The following NCK2 variants were observed in gnomAD, a reference collection of about 807,000 sequenced individuals.
NCK2 encodes NCK adaptor protein 2, also known as cytoplasmic protein NCK2.
NCK2 carries 16 observed loss-of-function variants against 33.9 expected under a neutral mutation model. That is an observed-to-expected ratio of 0.47 (90% CI 0.32 to 0.72). The LOEUF (loss-of-function observed/expected upper bound fraction) is 0.72, where lower values mean the gene tolerates loss of function less well. Among genes scored for constraint, NCK2 ranks in the 30% least tolerant of loss-of-function variants. NCK2 has a pLI of 0.03. For synonymous variants in NCK2, 273 were observed against 239.9 expected (o/e 1.14, Z -1.27); for missense variants, 418 against 537.3 (o/e 0.78, Z 2.19).
At chr2:105,807,456 T>G (rs1198160261) in intron 1 of NCK2, among the ~76,000 whole-genome samples, 3 of 152,176 alleles carry the variant, frequency 2.0e-5, no homozygotes, top group Non-Finnish European at 4.4e-5. Flanking sequence ...AGGGAAAAAA[T>G]TATTTAGTAG....
chr2:105,747,128 T>G (rs187507436), intron 1 of NCK2, among the ~76,000 whole-genome samples: 2 of 152,346 alleles, frequency 1.3e-5, no homozygotes, highest in African/African-American at 4.8e-5. Flanking sequence ...TTTCATGCTT[T>G]GTGTTTTGCT....
intron 1 of NCK2, among the ~76,000 whole-genome samples, chr2:105,787,073 C>G (rs1476427528): frequency 6.6e-6 from 1 of 152,248 alleles, no homozygotes; most frequent in African/African-American, 2.4e-5. Flanking sequence ...TGCTGTCTTG[C>G]TCTGCCCGCT....
Position 105,862,946 on chromosome 2 carries a change from GC to G in NCK2, c.226+7659del, listed in dbSNP as rs149531099. On this transcript the variant is annotated intron_variant, in intron 3 of 4. Transcript: ENST00000233154. ...GGGCAGTGCCCTAAGTTTGGCATAAGCCTTTAAGAGGCCAGAAAGAATCATC... is the reference window on the plus strand; with the variant it reads ...GGGCAGTGCCCTAAGTTTGGCATAAGCTTTAAGAGGCCAGAAAGAATCATC... Among the ~76,000 whole-genome samples the G allele has an allele frequency of 4.3e-3, 647 of 151,878 alleles. 3 individuals carry two copies. The highest frequency in any genetic ancestry group is 0.014 in the African/African-American group (588 of 41,552).
chr2:105,753,284 G>A (rs1326508160), intron 1 of NCK2, among the ~76,000 whole-genome samples: 1 of 152,190 alleles, frequency 6.6e-6, no homozygotes, highest in African/African-American at 2.4e-5. Context: ...TGAATAACTG[G>A]TACCTTGGAG....
chr2:105,892,883 A>G, intron 4 of NCK2, 99 bp from the exon 5 acceptor site: 2 of 924,444 alleles, frequency 2.2e-6, no homozygotes, highest in Non-Finnish European at 1.6e-6. Flanking sequence ...GTGTTTGAGC[A>G]ATGGGTGGTT....
intron 1 of NCK2, among the ~76,000 whole-genome samples, chr2:105,751,743 G>A (rs1327972371): frequency 6.6e-6 from 1 of 152,198 alleles, no homozygotes; most frequent in African/African-American, 2.4e-5. Context: ...CCAGCTCTCT[G>A]TCATGGGAGG....
chr2:105,817,993 A>G (rs1351741736), intron 2 of NCK2, among the ~76,000 whole-genome samples: 2 of 152,100 alleles, frequency 1.3e-5, no homozygotes, highest in Admixed American at 6.6e-5. Flanking sequence ...TGTTTATTGC[A>G]GCACTACTCA....
intron 3 of NCK2, among the ~76,000 whole-genome samples, chr2:105,862,320 C>T (rs1677572857): frequency 6.6e-6 from 1 of 152,088 alleles, no homozygotes; most frequent in Non-Finnish European, 1.5e-5. Flanking sequence ...GTCGAGTAGT[C>T]AAGCAAGATT....
At chr2:105,753,197 C>T (rs1689507340) in intron 1 of NCK2, among the ~76,000 whole-genome samples, 2 of 152,204 alleles carry the variant, frequency 1.3e-5, no homozygotes, top group African/African-American at 4.8e-5. Flanking sequence ...GGGAGTGTAG[C>T]TTGCATACAG....
At chr2:105,842,236 C>T (rs1196657044) in intron 2 of NCK2, among the ~76,000 whole-genome samples, 2 of 152,208 alleles carry the variant, frequency 1.3e-5, no homozygotes, top group East Asian at 3.9e-4. Flanking sequence ...AAGGATGCAC[C>T]ACCATGCCAG....
chr2:105,866,692 C>G (rs1041751525), intron 3 of NCK2, among the ~76,000 whole-genome samples: 3 of 152,230 alleles, frequency 2.0e-5, no homozygotes, highest in Admixed American at 2.0e-4. Context: ...CTGCTCATCT[C>G]CTGCCGTGCA....
chr2:105,761,303 C>T (rs913160895), intron 1 of NCK2, among the ~76,000 whole-genome samples: 5 of 152,172 alleles, frequency 3.3e-5, no homozygotes, highest in Non-Finnish European at 7.3e-5. Flanking sequence ...GGCTGACTGA[C>T]TTCCAGAGAA....
chr2:105,851,096 C>T (rs761448279), intron 2 of NCK2, among the ~76,000 whole-genome samples: 2 of 152,150 alleles, frequency 1.3e-5, no homozygotes, highest in Non-Finnish European at 2.9e-5. Context: ...TTCCTTCCCA[C>T]TTGTTTTGGG....
chr2:105,770,902 TTTTG>T lies in NCK2; in HGVS notation c.-201+25780_-201+25783del, dbSNP rs1007850161. ...TTCTGATGTTAATATCATGATTTCT[TTTTG>T]TTTGTTTGTTTGTTTTTGCTTTTGT... On this transcript the variant is annotated intron_variant, in intron 1 of 4. Transcript: ENST00000233154. Among the ~76,000 whole-genome samples, 27 of 142,028 alleles carry T rather than the reference TTTTG, an allele frequency of 1.9e-4. No homozygotes were observed. The South Asian group carries it at 4.9e-3, about 26-fold the overall frequency. 93.2% of individuals were successfully genotyped at this position (142,028 alleles called of 152,430 possible). A position where few individuals can be genotyped will look rare whatever the true frequency, so the allele number is the denominator to read the frequency against.
At chr2:105,848,956 AT>A (rs1676955329) in intron 2 of NCK2, among the ~76,000 whole-genome samples, 1 of 152,206 alleles carries the variant, frequency 6.6e-6, no homozygotes, top group Admixed American at 6.5e-5. Context: ...CTCTAAACCA[AT>A]TATTTGCACA....
chr2:105,820,947 TCAGCAGTGAGC>T (rs1675705633), intron 2 of NCK2, among the ~76,000 whole-genome samples: 1 of 152,178 alleles, frequency 6.6e-6, no homozygotes, highest in Non-Finnish European at 1.5e-5. Flanking sequence ...CGTGTAAATG[TCAGCAGTGAGC>T]CTACACACAT....
At chr2:105,817,819 G>T (rs35201475) in intron 2 of NCK2, among the ~76,000 whole-genome samples, 42,933 of 151,700 alleles carry the variant, frequency 0.28, 6,858 homozygotes, top group South Asian at 0.39. Context: ...GAACACTTTT[G>T]CACTGTTGGT....
At chr2:105,814,797 C>A (rs546873262) in intron 1 of NCK2, among the ~76,000 whole-genome samples, 1 of 152,310 alleles carries the variant, frequency 6.6e-6, no homozygotes, top group Admixed American at 6.5e-5. Context: ...ACTCATGAGA[C>A]ACAGGGCACA....
At chr2:105,810,337 C>T (rs145720219) in intron 1 of NCK2, among the ~76,000 whole-genome samples, 22 of 151,972 alleles carry the variant, frequency 1.4e-4, no homozygotes, top group East Asian at 7.7e-4. Context: ...AGAGAGCGAG[C>T]GAGCAAGCAC....
Sources: gnomAD v4.1 joint callset for allele counts (sites outside exome capture counted in the v4.1 genomes callset) on GRCh38, gnomAD v4.1.1 for gene constraint, MANE v1.5 for transcripts, NCBI Gene and HGNC (gene_info 2026-07-23, HGNC 2026-07-21) for gene names.